Variants in TMEM50B observed in about 807,000 individuals in gnomAD.
TMEM50B encodes the protein HCV p7-trans-regulated protein 3.
A neutral mutation model predicts 23.4 loss-of-function variants in TMEM50B; 14 were observed. The observed-to-expected ratio is 0.60, with a 90% CI of 0.39 to 0.93. TMEM50B has a LOEUF of 0.93. Among genes scored for constraint, TMEM50B ranks in the 40% least tolerant of loss-of-function variants. The pLI is 0.00. For synonymous variants in TMEM50B, 64 were observed against 62.3 expected, an observed-to-expected ratio of 1.03 and a Z score of -0.13; for missense variants, 159 against 193.0, an observed-to-expected ratio of 0.82 and a Z score of 1.04.
In TMEM50B at chr21:33,467,884, C is replaced by T. The variant is rs568860660; in HGVS notation, c.100-762G>A. On this transcript the variant is annotated intron_variant, in intron 2 of 6. Transcript: ENST00000542230. ...AAATGTAAACAGATAAAGAAATTTG[C>T]TTCCAAAAAATGCTGTGGGAGCCAG... Among the ~76,000 whole-genome samples, 45 of 152,122 alleles carry T rather than the reference C, an allele frequency of 3.0e-4. No homozygotes were observed. The South Asian group carries it at 9.1e-3, about 31-fold the overall frequency.
At chr21:33,475,314 T>G (rs1426726727) in intron 1 of TMEM50B, among the ~76,000 whole-genome samples, 1 of 152,154 alleles carries the variant, frequency 6.6e-6, no homozygotes, top group African/African-American at 2.4e-5. Flanking sequence ...TATGCTTTTT[T>G]GTACCTGAGA....
intron 7 of TMEM50B, among the ~76,000 whole-genome samples, chr21:33,440,362 C>T (rs985829915): frequency 6.6e-6 from 1 of 151,568 alleles, no homozygotes; most frequent in African/African-American, 2.4e-5. Context: ...CTGAGGTGGG[C>T]GGATCATTTG....
intron 1 of TMEM50B, among the ~76,000 whole-genome samples, chr21:33,478,165 T>A (rs1195266090): frequency 6.6e-6 from 1 of 151,354 alleles, no homozygotes; most frequent in Non-Finnish European, 1.5e-5. Flanking sequence ...AATTTAAAAA[T>A]AATAATAATA....
chr21:33,438,802 T>C (rs2083982256), intron 8 of TMEM50B, among the ~76,000 whole-genome samples: 1 of 151,702 alleles, frequency 6.6e-6, no homozygotes, highest in African/African-American at 2.4e-5. Flanking sequence ...CGATCTCAGC[T>C]CGCTGCAACC....
intron 3 of TMEM50B, among the ~76,000 whole-genome samples, chr21:33,466,445 C>T (rs2084264976): frequency 6.6e-6 from 1 of 151,818 alleles, no homozygotes; most frequent in South Asian, 2.1e-4. Context: ...GCCAATCTTG[C>T]CTTTTCCTCA....
At chr21:33,462,814 T>A (rs2084228719) in intron 4 of TMEM50B, among the ~76,000 whole-genome samples, 1 of 152,242 alleles carries the variant, frequency 6.6e-6, no homozygotes, top group Admixed American at 6.5e-5. Flanking sequence ...CCCTCATTCC[T>A]GACATTACTG....
intron 1 of TMEM50B, chr21:33,479,086 GT>G (rs2084401981): frequency 3.4e-6 from 1 of 291,216 alleles, no homozygotes; most frequent in South Asian, 2.9e-5. Context: ...CACTGCTTTG[GT>G]TTTGAAAGGT....
In TMEM50B at chr21:33,460,427, G is replaced by A. The variant is rs2084207181; in HGVS notation, c.359C>T (p.Ala120Val). The A allele has an allele frequency of 6.2e-7, 1 of 1,602,740 alleles. No homozygotes were observed. Among genetic ancestry groups the A allele is most frequent in the Non-Finnish European group, 8.5e-7 (1 of 1,172,548 alleles). Residue 120 changes from alanine (A) to valine (V), a missense_variant, in exon 5 of 7, where the codon GCA becomes GTA. Coordinates refer to ENST00000542230, the MANE Select transcript of TMEM50B (RefSeq NM_006134.7). The part of the protein sequence containing the change: ...LIASMWILFG[A>V]YVTQNTDVYP... Reference sequence around the variant, plus strand: ...TATATACTTACTTTGGGTAACATATGCACCAAAAAGAATCCACATGGAAGC... The same window carrying A: ...TATATACTTACTTTGGGTAACATATACACCAAAAAGAATCCACATGGAAGC...
At position 33,467,050 on chromosome 21, in the gene TMEM50B, A is replaced by G. The variant is rs141038873; in HGVS notation, c.172T>C (p.Phe58Leu). Residue 58 changes from phenylalanine (F) to leucine (L), a missense_variant, in exon 3 of 7, where the codon TTT becomes CTT. Transcript: ENST00000542230. ...YPKPEQLNHA[F>L]HTCGVFSTLA... ...GTGGAAAATACACCACATGTGTGAA[A>G]GGCATGGTTCAACTGTTCTGGCTTA... 3 of 1,614,090 alleles carry G rather than the reference A, an allele frequency of 1.9e-6. No individual in the cohort carries two copies. The African/African-American group carries it at 4.0e-5, about 22-fold the overall frequency.
intron 1 of TMEM50B, among the ~76,000 whole-genome samples, chr21:33,470,806 T>C (rs1454551713): frequency 5.3e-5 from 8 of 151,448 alleles, no homozygotes; most frequent in Non-Finnish European, 4.4e-5. Context: ...AGGAGAATCA[T>C]TTGATCCCAG....
rs201130595 is a variant in TMEM50B at position 33,450,859 on chromosome 21, G to A, written c.436C>T (p.Leu146=). 3.7e-6 allele frequency: 6 copies of A among 1,612,938 alleles called. No individual in the cohort carries two copies. The highest frequency in any genetic ancestry group is 2.7e-5 in the African/African-American group (2 of 74,872). Residue 146 remains leucine (L), a synonymous_variant, in exon 7 of 7, where the codon CTG becomes TTG. Coordinates refer to ENST00000542230, the MANE Select transcript of TMEM50B (RefSeq NM_006134.7). The stretch of plus-strand genomic sequence containing the variant: ...TCGGTTCTTCCAAATTTGTAGATCA[G>A]AGTGCTAGAAAGATAGGAAAACAAA... ...FQNALIFFST[L]IYKFGRTEEL... is the part of the protein sequence containing the mutation.
downstream of TMEM50B, among the ~76,000 whole-genome samples, chr21:33,446,516 C>T (rs1222420116): frequency 6.6e-6 from 1 of 151,106 alleles, no homozygotes; most frequent in Non-Finnish European, 1.5e-5. Context: ...GGAGTACAGG[C>T]GAGAGCCGCT....
chr21:33,436,080 G>A (rs149808920), intron 8 of TMEM50B, among the ~76,000 whole-genome samples: 82 of 151,576 alleles, frequency 5.4e-4, no homozygotes, highest in East Asian at 3.7e-3. Flanking sequence ...AATTGTTGCC[G>A]GGTGCAGTGG....
At chr21:33,461,974 T>C (rs1418194212) in intron 4 of TMEM50B, among the ~76,000 whole-genome samples, 1 of 152,154 alleles carries the variant, frequency 6.6e-6, no homozygotes, top group Non-Finnish European at 1.5e-5. Context: ...TGCTTTTGTT[T>C]AGCAAAAAAA....
chr21:33,460,358 T>C (rs769085725), intron 5 of TMEM50B, 55 bp downstream of exon 5: 10 of 1,144,206 alleles, frequency 8.7e-6, no homozygotes, highest in Non-Finnish European at 1.2e-5. Context: ...GTAAGCCAAA[T>C]ATAAAAGACA....
intron 1 of TMEM50B, among the ~76,000 whole-genome samples, chr21:33,476,648 C>T (rs2084374056): frequency 1.3e-5 from 2 of 151,128 alleles, no homozygotes; most frequent in Admixed American, 6.6e-5. Flanking sequence ...GTAGTCCCAG[C>T]TTCTCGGGAG....
At chr21:33,456,928 C>G (rs567629604) in intron 5 of TMEM50B, among the ~76,000 whole-genome samples, 1 of 152,270 alleles carries the variant, frequency 6.6e-6, no homozygotes, top group Non-Finnish European at 1.5e-5. Context: ...GAAATGCTCT[C>G]TGAAATAAAG....
chr21:33,455,579 T>C (rs1384326288), intron 6 of TMEM50B, 148 bp downstream of exon 6: 4 of 696,942 alleles, frequency 5.7e-6, no homozygotes, highest in Non-Finnish European at 1.0e-5. Context: ...TCTGCTCTTA[T>C]GTAACAGTGG....
At chr21:33,444,182 G>A (rs1162978335), downstream of TMEM50B, among the ~76,000 whole-genome samples, 1 of 116 alleles carries the variant, frequency 8.6e-3, no homozygotes, top group Non-Finnish European at 0.024. Context: ...ATATAGGCGT[G>A]AGCACCATGC....
Sources: allele counts gnomAD v4.1 joint callset (sites outside exome capture counted in the v4.1 genomes callset), GRCh38; gene constraint gnomAD v4.1.1; transcripts MANE v1.5; gene names NCBI Gene and HGNC (gene_info 2026-07-23, HGNC 2026-07-21).